FAM120A: variants seen among roughly 807,000 people sequenced by gnomAD.
FAM120A encodes constitutive coactivator of PPAR-gamma-like protein 1.
A neutral mutation model predicts 109.7 loss-of-function variants in FAM120A; 15 were observed. The ratio of observed to expected loss-of-function variants is 0.14; its 90% CI spans 0.09 to 0.21. The LOEUF (loss-of-function observed/expected upper bound fraction) is 0.21. Ranked by LOEUF, FAM120A falls within the 10% of genes least tolerant of loss-of-function variation. The pLI, the probability that FAM120A is intolerant of heterozygous loss-of-function variation, is 1.00. For missense variants in FAM120A, 899 were observed against 1,439.3 expected (o/e 0.62, Z 6.07); for synonymous variants, 493 against 572.8 (o/e 0.86, Z 1.99).
At chr9:93,560,974 T>A in intron 15 of FAM120A, 135 bp from the exon 16 acceptor site, 1 of 938,592 alleles carries the variant, frequency 1.1e-6, no homozygotes, top group South Asian at 1.7e-5. Flanking sequence ...TAATAAAAAA[T>A]TGTACAAAAC....
chr9:93,467,569 A>G (rs1858105240), intron 1 of FAM120A, among the ~76,000 whole-genome samples: 1 of 151,978 alleles, frequency 6.6e-6, no homozygotes, highest in African/African-American at 2.4e-5. Context: ...GGAAAGATGG[A>G]CTGAGGCCAG....
chr9:93,467,259 T>C (rs12156439), intron 1 of FAM120A, among the ~76,000 whole-genome samples: 245 of 46,900 alleles, frequency 5.2e-3, no homozygotes, highest in African/African-American at 8.6e-3. Flanking sequence ...CCCCCCCCCC[T>C]TTTCCCCCAT....
chr9:93,462,828 TGTCTTC>T (rs1385940713), intron 1 of FAM120A, among the ~76,000 whole-genome samples: 1 of 152,240 alleles, frequency 6.6e-6, no homozygotes, highest in Non-Finnish European at 1.5e-5. Context: ...TTTAACACAA[TGTCTTC>T]AAGGTTCATA....
intron 12 of FAM120A, among the ~76,000 whole-genome samples, chr9:93,555,073 A>C (rs761799606): frequency 4.5e-4 from 69 of 152,178 alleles, no homozygotes; most frequent in Non-Finnish European, 8.2e-4. Context: ...AAATGAATCA[A>C]GTACATTTTC....
At chr9:93,518,437 T>C (rs1342935705) in intron 7 of FAM120A, among the ~76,000 whole-genome samples, 1 of 152,252 alleles carries the variant, frequency 6.6e-6, no homozygotes, top group Non-Finnish European at 1.5e-5. Context: ...CACTACTTTT[T>C]TACCCTTTGG....
At chr9:93,513,106 A>G (rs182614750) in intron 5 of FAM120A, among the ~76,000 whole-genome samples, 2 of 152,314 alleles carry the variant, frequency 1.3e-5, no homozygotes, top group Admixed American at 6.5e-5. Context: ...CAGCCACAAG[A>G]TATTATACAC....
At chr9:93,529,686 A>C (rs762922056) in intron 9 of FAM120A, 106 bp downstream of exon 9, 1 of 935,526 alleles carries the variant, frequency 1.1e-6, no homozygotes, top group Admixed American at 2.0e-5. Flanking sequence ...CTGTCTTACT[A>C]ATCTACTTGA....
rs774781167 is a variant in FAM120A, at chr9:93,452,278, G to A, written c.363G>A (p.Gln121=). The A allele has an allele frequency of 6.2e-7, 1 of 1,612,598 alleles. No homozygotes were observed. Among genetic ancestry groups the A allele is most frequent in the Non-Finnish European group, 8.5e-7 (1 of 1,179,848 alleles). The part of the protein sequence containing the change: ...RQGNERQTAQ[Q]IVSHVQNKGT... ...GCAACGAGCGCCAGACGGCACAGCA[G>A]ATCGTCAGCCATGTCCAGAACAAGG... Residue 121 remains glutamine (Q), a synonymous_variant, in exon 1 of 18, where the codon CAG becomes CAA. Transcript: ENST00000277165. This position sits in a 1 kb window ranked among gnomAD's most constrained non-coding sequence, Gnocchi z 7.0.
intron 1 of FAM120A, among the ~76,000 whole-genome samples, chr9:93,470,549 T>C (rs1337179272): frequency 6.6e-6 from 1 of 152,196 alleles, no homozygotes; most frequent in African/African-American, 2.4e-5. Flanking sequence ...GGACATAGAA[T>C]AAGCCTGTGG....
Position 93,543,269 on chromosome 9 carries a change from C to T in FAM120A, c.1957C>T (p.Pro653Ser). 6.2e-7 allele frequency: 1 copy of T among 1,614,190 alleles called. No individual in the cohort carries two copies. Among genetic ancestry groups the T allele is most frequent in the Non-Finnish European group, 8.5e-7 (1 of 1,180,048 alleles). The change falls in exon 11 of 18, where the codon CCT becomes TCT. Residue 653 changes from proline to serine, a missense_variant. Pro to Ser is a moderately conservative substitution (Grantham distance 74, BLOSUM62 -1). Transcript: ENST00000277165. ...KEWAAYKGKS[P>S]QTPELVEALA... The stretch of plus-strand genomic sequence containing the variant: ...ATGGGCAGCTTACAAAGGAAAGTCT[C>T]CTCAAACCCCGGAACTGGTTGAAGC...
At chr9:93,510,482 A>G (rs987340051) in intron 5 of FAM120A, among the ~76,000 whole-genome samples, 3 of 152,254 alleles carry the variant, frequency 2.0e-5, no homozygotes, top group Non-Finnish European at 2.9e-5. Context: ...TCAGTTTACC[A>G]GTGACTTCAA....
intron 5 of FAM120A, among the ~76,000 whole-genome samples, chr9:93,510,413 A>G (rs1860263690): frequency 6.6e-6 from 1 of 152,232 alleles, no homozygotes; most frequent in Non-Finnish European, 1.5e-5. Context: ...ACTTAGGTTT[A>G]TTAATGTTGT....
intron 3 of FAM120A, among the ~76,000 whole-genome samples, chr9:93,489,985 C>A (rs1859241218): frequency 6.6e-6 from 1 of 152,176 alleles, no homozygotes; most frequent in Non-Finnish European, 1.5e-5. Context: ...CTCCTCAGCC[C>A]CCAGACCTGT....
intron 1 of FAM120A, among the ~76,000 whole-genome samples, chr9:93,459,697 C>T (rs954756865): frequency 4.6e-5 from 7 of 151,868 alleles, no homozygotes; most frequent in African/African-American, 1.7e-4. Flanking sequence ...ACAGTTGAGA[C>T]ATTTGGCAGG....
At chr9:93,483,233 A>AT (rs1452260475) in intron 3 of FAM120A, among the ~76,000 whole-genome samples, 3 of 152,208 alleles carry the variant, frequency 2.0e-5, no homozygotes, top group Admixed American at 6.5e-5. Context: ...TTCACTTCAT[A>AT]TATTTTTTTC....
rs553669919 is a variant in FAM120A at position 93,556,327 on chromosome 9, G to T, written c.2275-55G>T. 1.0e-5 allele frequency: 15 copies of T among 1,449,406 alleles called. No homozygotes were observed. In the East Asian group the frequency reaches 3.2e-4, roughly 31 times the overall value. The allele number at this position is 1,449,406 out of a possible 1,614,324, so 89.8% of individuals were successfully genotyped here. On this transcript the variant is annotated intron_variant, in intron 12 of 17. Coordinates refer to ENST00000277165, the MANE Select transcript of FAM120A (RefSeq NM_014612.5). ...GGAGAGTTTTACTAAGACTTTGAAA[G>T]AATTTAATACTGTAGTACTCTTATT...
chr9:93,551,192 A>G (rs1260894280), intron 12 of FAM120A, among the ~76,000 whole-genome samples: 1 of 152,202 alleles, frequency 6.6e-6, no homozygotes, highest in East Asian at 1.9e-4. Flanking sequence ...ACGATGTTAC[A>G]TCATCATTTC....
intron 1 of FAM120A, among the ~76,000 whole-genome samples, chr9:93,458,971 C>T (rs1366593195): frequency 1.5e-4 from 23 of 152,198 alleles, no homozygotes; most frequent in Non-Finnish European, 2.8e-4. Context: ...TTAAAATGTT[C>T]CCAACCCAAC....
Position 93,469,872 on chromosome 9 carries a change from CA to C in FAM120A, c.475-1265del, listed in dbSNP as rs1858231945. 2.0e-5 allele frequency among the ~76,000 whole-genome samples: 3 copies of C among 152,250 alleles called. No homozygotes were observed. In the East Asian group the frequency reaches 5.8e-4, roughly 29 times the overall value. ...GATTTCATTATAGCTAACCTTCCAA[CA>C]AAATGTGGCGACTGCTTTTATTATG... On this transcript the variant is annotated intron_variant, in intron 1 of 17. Coordinates refer to ENST00000277165, the MANE Select transcript of FAM120A (RefSeq NM_014612.5).
Sources: allele counts gnomAD v4.1 joint callset (sites outside exome capture counted in the v4.1 genomes callset), GRCh38; gene constraint gnomAD v4.1.1; non-coding constraint Gnocchi (gnomAD v3.1); transcripts MANE v1.5; gene names NCBI Gene and HGNC (gene_info 2026-07-23, HGNC 2026-07-21).